MRPL10: variants seen among roughly 807,000 people sequenced by gnomAD.
The protein encoded by MRPL10 is mitochondrial ribosomal protein L10, also known as large ribosomal subunit protein uL10m.
MRPL10 carries 14 observed loss-of-function variants against 19.8 expected under a neutral mutation model. That is an observed-to-expected ratio of 0.71 (90% CI 0.47 to 1.11). MRPL10 has a LOEUF of 1.11. Among genes scored for constraint, MRPL10 ranks in the 50% least tolerant of loss-of-function variants. The pLI, the probability that MRPL10 is intolerant of heterozygous loss-of-function variation, is 0.00. For synonymous variants in MRPL10, 129 were observed against 139.2 expected (o/e 0.93, Z 0.52); for missense variants, 318 against 339.6 (o/e 0.94, Z 0.50).
intron 1 of MRPL10, chr17:47,831,166 G>A (rs1598041454): frequency 3.1e-6 from 2 of 637,580 alleles, no homozygotes; most frequent in East Asian, 3.4e-5. Flanking sequence ...ATTGCGACGG[G>A]GCTAAGGAGT....
At chr17:47,826,916 T>G in intron 3 of MRPL10, 124 bp downstream of exon 3, 1 of 1,455,896 alleles carries the variant, frequency 6.9e-7, no homozygotes, top group Non-Finnish European at 9.4e-7. Context: ...AGACACCAGA[T>G]TAGAGGGTGA....
chr17:47,827,706 G>C, intron 2 of MRPL10, among the ~76,000 whole-genome samples: 1 of 151,664 alleles, frequency 6.6e-6, no homozygotes. Context: ...AGACCAGCCT[G>C]ACCAACATAG....
At chr17:47,824,876 T>C (rs995638756) in intron 4 of MRPL10, among the ~76,000 whole-genome samples, 20 of 151,090 alleles carry the variant, frequency 1.3e-4, no homozygotes, top group African/African-American at 4.9e-4. Flanking sequence ...TAGCCAGGCA[T>C]GGTGGCGAGC....
chr17:47,831,326 G>A, intron 1 of MRPL10, 134 bp downstream of exon 1: 1 of 1,535,748 alleles, frequency 6.5e-7, no homozygotes, highest in East Asian at 2.4e-5. Flanking sequence ...GAGTCACAAG[G>A]AACTGGACGG....
At chr17:47,828,766 C>A in intron 1 of MRPL10, 96 bp from the exon 2 acceptor site, 1 of 974,684 alleles carries the variant, frequency 1.0e-6, no homozygotes. Context: ...CAGAGAAAAG[C>A]ACAGCTCACA....
intron 1 of MRPL10, among the ~76,000 whole-genome samples, chr17:47,829,861 C>A (rs932397159): frequency 6.6e-6 from 1 of 150,640 alleles, no homozygotes; most frequent in Admixed American, 6.6e-5. Context: ...TGCACTCCGG[C>A]ACTCCGGCCT....
At chr17:47,825,956 C>T (rs2033525179) in intron 4 of MRPL10, among the ~76,000 whole-genome samples, 3 of 150,256 alleles carry the variant, frequency 2.0e-5, no homozygotes, top group Admixed American at 1.3e-4. Context: ...CTGGCCAACA[C>T]GGTGAAACCC....
At position 47,823,674 on chromosome 17, in the gene MRPL10, T is replaced by C. The variant is rs536856834; in HGVS notation, c.*531A>G. 1.2e-5 allele frequency: 2 copies of C among 160,984 alleles called. No individual in the cohort carries two copies. Among genetic ancestry groups the C allele is most frequent in the East Asian group, 1.9e-4 (1 of 5,296 alleles). 10.0% of individuals were successfully genotyped at this position (160,984 alleles called of 1,614,324 possible). A position where few individuals can be genotyped will look rare whatever the true frequency, so the allele number is the denominator to read the frequency against. ...CCTGTTCTGCCACTTACTAACTGCA[T>C]GACCTTGAGCAAGCCACTTAATTTC... On this transcript the variant is annotated 3_prime_UTR_variant, in exon 5 of 5. Coordinates refer to ENST00000351111, the MANE Select transcript of MRPL10 (RefSeq NM_145255.4).
rs766980044 is a variant in MRPL10, at chr17:47,826,672, C to T, written c.497G>A (p.Arg166Gln). 1.2e-5 allele frequency: 19 copies of T among 1,613,988 alleles called. No homozygotes were observed. The highest frequency in any genetic ancestry group is 8.0e-5 in the African/African-American group (6 of 74,908). ...SEEPKVKEMV[R>Q]ILRTVPFLPL... Reference sequence around the variant, plus strand: ...CAGGAATGGCACAGTCCTTAAGATCCGTACCATCTCCTTGACCTTGGGCTC... The same window carrying T: ...CAGGAATGGCACAGTCCTTAAGATCTGTACCATCTCCTTGACCTTGGGCTC... The change falls in exon 4 of 5, where the codon CGG (arginine) becomes CAG (glutamine). Residue 166 changes from arginine to glutamine, a missense_variant. Arg to Gln is a conservative substitution (Grantham distance 43). Transcript: ENST00000351111.
At chr17:47,826,194 TAC>T (rs2033530719) in intron 4 of MRPL10, among the ~76,000 whole-genome samples, 1 of 143,648 alleles carries the variant, frequency 7.0e-6, no homozygotes, top group Admixed American at 6.9e-5. Flanking sequence ...GCCCCCTCCC[TAC>T]AGAGACCTGT....
Position 47,827,210 on chromosome 17 carries a change from G to A in MRPL10, c.223-6C>T. The A allele has an allele frequency of 6.3e-7, 1 of 1,599,822 alleles. No homozygotes were observed. Among genetic ancestry groups the A allele is most frequent in the Non-Finnish European group, 8.5e-7 (1 of 1,173,752 alleles). ...AGCCTGATGAGGCCTATCTCCTGAAGTTGGAAAGCAATGACCAAGGGTACA... is the reference window on the plus strand; with the variant it reads ...AGCCTGATGAGGCCTATCTCCTGAAATTGGAAAGCAATGACCAAGGGTACA... On this transcript the variant is annotated splice_region_variant and splice_polypyrimidine_tract_variant and intron_variant, in intron 2 of 4. Coordinates refer to ENST00000351111, the MANE Select transcript of MRPL10 (RefSeq NM_145255.4).
intron 4 of MRPL10, 35 bp downstream of exon 4, chr17:47,826,602 C>T (rs2033536131): frequency 6.2e-7 from 1 of 1,610,132 alleles, no homozygotes; most frequent in Non-Finnish European, 8.5e-7. Context: ...GGCCCCTCTT[C>T]ACCCCACCCC....
rs7208440 is a variant in MRPL10, at chr17:47,825,646, G to A, written c.532+991C>T. ...GAATCATGGAATGGAGGGAAGTAACGGGGAACTATTGTTTAATGGGTGTAG... is the reference window on the plus strand; with the variant it reads ...GAATCATGGAATGGAGGGAAGTAACAGGGAACTATTGTTTAATGGGTGTAG... On this transcript the variant is annotated intron_variant, in intron 4 of 4. Transcript: ENST00000351111. Among the ~76,000 whole-genome samples the A allele has an allele frequency of 5.7e-3, 874 of 152,190 alleles. 6 individuals are homozygous for A. The highest frequency in any genetic ancestry group is 9.0e-3 in the Non-Finnish European group (614 of 67,990).
chr17:47,825,154 C>A (rs2033511869), intron 4 of MRPL10, among the ~76,000 whole-genome samples: 1 of 151,252 alleles, frequency 6.6e-6, no homozygotes, highest in Non-Finnish European at 1.5e-5. Context: ...CATGGTGAAA[C>A]CCCGTTTCTA....
rs2033486661 is a variant in MRPL10, at chr17:47,824,047, G to C, written c.*158C>G. ...ACTGACATCTGAAATGGAATCCTCT[G>C]CATCTCCAAGTGGCCCTATACCTGA... On this transcript the variant is annotated 3_prime_UTR_variant, in exon 5 of 5. Transcript: ENST00000351111. 8 of 858,264 alleles carry C rather than the reference G, an allele frequency of 9.3e-6. No homozygotes were observed. The highest frequency in any genetic ancestry group is 1.3e-5 in the Non-Finnish European group (7 of 556,136). The allele number at this position is 858,264 out of a possible 1,614,324, so 53.2% of individuals were successfully genotyped here.
Position 47,824,170 on chromosome 17 carries a change from G to C in MRPL10, c.*35C>G, listed in dbSNP as rs755769528. The stretch of plus-strand genomic sequence containing the variant: ...AGGAGAGCACAGCCAATAACGCAGA[G>C]TGTATTTATGCGCAGGGCTGGCTAA... On this transcript the variant is annotated 3_prime_UTR_variant, in exon 5 of 5. Coordinates refer to ENST00000351111, the MANE Select transcript of MRPL10 (RefSeq NM_145255.4). 3.7e-6 allele frequency: 6 copies of C among 1,613,630 alleles called. No homozygotes were observed. Among genetic ancestry groups the C allele is most frequent in the Middle Eastern group, 1.7e-4 (1 of 5,770 alleles).
chr17:47,828,409 G>A, intron 2 of MRPL10, 92 bp downstream of exon 2: 1 of 892,948 alleles, frequency 1.1e-6, no homozygotes, highest in Non-Finnish European at 1.6e-6. Flanking sequence ...GCATGACAAT[G>A]GCTGAGTGTC....
At position 47,824,043 on chromosome 17, in the gene MRPL10, C is replaced by T. The variant is rs957555487; in HGVS notation, c.*162G>A. The T allele has an allele frequency of 4.3e-5, 36 of 840,934 alleles. No homozygotes were observed. The highest frequency in any genetic ancestry group is 6.3e-5 in the Non-Finnish European group (34 of 542,584). The allele number at this position is 840,934 out of a possible 1,614,324, so 52.1% of individuals were successfully genotyped here. A position where few individuals can be genotyped will look rare whatever the true frequency, so the allele number is the denominator to read the frequency against. The stretch of plus-strand genomic sequence containing the variant: ...GGTGACTGACATCTGAAATGGAATC[C>T]TCTGCATCTCCAAGTGGCCCTATAC... On this transcript the variant is annotated 3_prime_UTR_variant, in exon 5 of 5. Coordinates refer to ENST00000351111, the MANE Select transcript of MRPL10 (RefSeq NM_145255.4).
chr17:47,827,613 T>C (rs2033554558), intron 2 of MRPL10, among the ~76,000 whole-genome samples: 1 of 152,096 alleles, frequency 6.6e-6, no homozygotes, highest in African/African-American at 2.4e-5. Flanking sequence ...ATTGAGAAAC[T>C]TGGCTGGGCG....
Sources: gnomAD v4.1 joint callset for allele counts (sites outside exome capture counted in the v4.1 genomes callset) on GRCh38, gnomAD v4.1.1 for gene constraint, MANE v1.5 for transcripts, NCBI Gene and HGNC (gene_info 2026-07-23, HGNC 2026-07-21) for gene names.